INPP5D: variants seen among roughly 807,000 people sequenced by gnomAD.
INPP5D encodes the protein inositol polyphosphate-5-phosphatase D.
Under a neutral mutation model 122.9 loss-of-function variants are expected in INPP5D, and 33 were observed. The observed-to-expected ratio is 0.27, with a 90% CI of 0.20 to 0.36. The LOEUF is 0.36. INPP5D is among the 10% of genes least tolerant of loss of function. The pLI, the probability that INPP5D is intolerant of heterozygous loss-of-function variation, is 1.00. For missense variants in INPP5D, 1,053 were observed against 1,412.7 expected (o/e 0.75, Z 4.08); for synonymous variants, 584 against 576.2 (o/e 1.01, Z -0.19).
At chr2:233,079,165 C>T (rs1436035045) in intron 1 of INPP5D, among the ~76,000 whole-genome samples, 170 bp from the exon 2 acceptor site, 2 of 152,132 alleles carry the variant, frequency 1.3e-5, no homozygotes, top group Non-Finnish European at 2.9e-5. Flanking sequence ...CCTCAGCCCA[C>T]GATTGCTGGA....
Position 233,068,355 on chromosome 2 carries a change from G to A in INPP5D, c.134+7743G>A, listed in dbSNP as rs568918674. Among the ~76,000 whole-genome samples the A allele has an allele frequency of 2.0e-5, 3 of 151,386 alleles. No homozygotes were observed. In the South Asian group the frequency reaches 6.3e-4, roughly 32 times the overall value. ...CACACCTGTAATCCCAGTACTTTGG[G>A]AGGCTGAGGCAAGAGGATCATGAGG... is the stretch of plus-strand genomic sequence containing the variant. On this transcript the variant is annotated intron_variant, in intron 1 of 26. Coordinates refer to ENST00000445964, the MANE Select transcript of INPP5D (RefSeq NM_001017915.3).
At chr2:233,120,150 T>A (rs775723640) in intron 2 of INPP5D, among the ~76,000 whole-genome samples, 15 of 152,180 alleles carry the variant, frequency 9.9e-5, no homozygotes, top group Non-Finnish European at 1.9e-4. Context: ...ATCCTTGACT[T>A]CTAACTCCAA....
At chr2:233,109,773 A>G (rs140042430) in intron 2 of INPP5D, among the ~76,000 whole-genome samples, 2,525 of 148,008 alleles carry the variant, frequency 0.017, 59 homozygotes, top group African/African-American at 0.056. Context: ...TCTTTAGTAG[A>G]GATGGGGTTT....
intron 2 of INPP5D, among the ~76,000 whole-genome samples, chr2:233,102,869 C>CAAAAA (rs1041744645): frequency 8.2e-5 from 12 of 145,896 alleles, no homozygotes; most frequent in South Asian, 2.2e-4. Context: ...AAAAAACAAC[C>CAAAAA]AAAAAACCAC....
intron 14 of INPP5D, 176 bp from the exon 15 acceptor site, chr2:233,169,850 G>A: frequency 8.2e-7 from 1 of 1,225,418 alleles, no homozygotes; most frequent in Non-Finnish European, 1.1e-6. Flanking sequence ...TTGCATCCTG[G>A]CTGTGCCATA....
At chr2:233,137,227 T>TAAG (rs139220374) in intron 5 of INPP5D, among the ~76,000 whole-genome samples, 2 of 151,490 alleles carry the variant, frequency 1.3e-5, no homozygotes, top group Non-Finnish European at 1.5e-5. Context: ...AGGCTTTATC[T>TAAG]AGGTCACTCC....
In INPP5D at chr2:233,170,484, T is replaced by G; in HGVS notation, c.1792-12T>G. The G allele has an allele frequency of 6.2e-7, 1 of 1,613,690 alleles. No homozygotes were observed. Among genetic ancestry groups the G allele is most frequent in the Non-Finnish European group, 8.5e-7 (1 of 1,179,804 alleles). Reference sequence around the variant, plus strand: ...GCTTCTCACCAGAGGCCCGGGCATGTTCTTGTTCCAGGAGGCAGAAACCAT... The same window carrying G: ...GCTTCTCACCAGAGGCCCGGGCATGGTCTTGTTCCAGGAGGCAGAAACCAT... On this transcript the variant is annotated splice_polypyrimidine_tract_variant and intron_variant, in intron 15 of 26. Transcript: ENST00000445964. This position sits in a 1 kb window ranked among gnomAD's most constrained non-coding sequence, Gnocchi z 4.5.
At chr2:233,132,161 G>A (rs1170585848) in intron 5 of INPP5D, among the ~76,000 whole-genome samples, 1 of 152,196 alleles carries the variant, frequency 6.6e-6, no homozygotes, top group Non-Finnish European at 1.5e-5. Flanking sequence ...AACACATACA[G>A]CACTTTCTTT....
intron 4 of INPP5D, among the ~76,000 whole-genome samples, chr2:233,126,510 G>T (rs1693163827): frequency 6.6e-6 from 1 of 152,214 alleles, no homozygotes; most frequent in Non-Finnish European, 1.5e-5. Context: ...TCTCCAGCCT[G>T]AATTCTGTGC....
chr2:233,156,547 A>G lies in INPP5D; in HGVS notation c.1031-1766A>G, dbSNP rs564959267. ...TGAGCTCAGGCAATCTGCCTGCCTC[A>G]GCCTCCCAAAGTGCTAGGATTACAG... On this transcript the variant is annotated intron_variant, in intron 9 of 26. Transcript: ENST00000445964. Among the ~76,000 whole-genome samples the G allele has an allele frequency of 2.1e-4, 32 of 152,214 alleles. No individual in the cohort carries two copies. In the South Asian group the frequency reaches 6.2e-3, roughly 30 times the overall value.
chr2:233,094,258 A>G (rs1207284408), intron 2 of INPP5D, among the ~76,000 whole-genome samples: 3 of 152,054 alleles, frequency 2.0e-5, no homozygotes, highest in African/African-American at 7.3e-5. Flanking sequence ...CATGCTTGTA[A>G]TCCCAGCACT....
At chr2:233,119,055 C>A (rs1692889411) in intron 2 of INPP5D, among the ~76,000 whole-genome samples, 1 of 152,234 alleles carries the variant, frequency 6.6e-6, no homozygotes, top group African/African-American at 2.4e-5. Context: ...GATTTCACAT[C>A]TCTGGAGTCA....
intron 14 of INPP5D, chr2:233,169,784 T>TG: frequency 1.5e-6 from 1 of 645,822 alleles, no homozygotes; most frequent in Non-Finnish European, 2.6e-6. Flanking sequence ...GCTGAGCAGA[T>TG]GCTGCTGCTC....
intron 2 of INPP5D, among the ~76,000 whole-genome samples, chr2:233,083,731 C>T (rs532953194): frequency 6.6e-6 from 1 of 152,334 alleles, no homozygotes; most frequent in Non-Finnish European, 1.5e-5. Flanking sequence ...TGAGGTCCTG[C>T]AAGCCGCCCT....
At chr2:233,150,141 T>A (rs190651285) in intron 9 of INPP5D, among the ~76,000 whole-genome samples, 1 of 152,116 alleles carries the variant, frequency 6.6e-6, no homozygotes, top group Non-Finnish European at 1.5e-5. Flanking sequence ...GTTGATATGA[T>A]TTGGCTGTGT....
At chr2:233,199,351 C>T (rs1695270360) in intron 25 of INPP5D, among the ~76,000 whole-genome samples, 1 of 140,358 alleles carries the variant, frequency 7.1e-6, no homozygotes, top group African/African-American at 2.6e-5. Context: ...TGCACCACTG[C>T]ACCCCAGCCT....
In INPP5D at chr2:233,163,858, C is replaced by T; in HGVS notation, c.1392C>T (p.Ile464=). 6.2e-7 allele frequency: 1 copy of T among 1,613,914 alleles called. No homozygotes were observed. The highest frequency in any genetic ancestry group is 8.5e-7 in the Non-Finnish European group (1 of 1,179,868). The change falls in exon 12 of 27, where the codon ATC becomes ATT. Residue 464 remains isoleucine (I), a synonymous_variant. Coordinates refer to ENST00000445964, the MANE Select transcript of INPP5D (RefSeq NM_001017915.3). ...DPLSEKEWLE[I]LKHSLQEITS... ...TGAGTGAGAAGGAGTGGCTGGAGAT[C>T]CTCAAACACTCCCTGCAAGAAATCA...
Position 233,105,074 on chromosome 2 carries a change from TG to T in INPP5D, c.199-17031del, listed in dbSNP as rs549207797. Among the ~76,000 whole-genome samples the T allele has an allele frequency of 1.3e-5, 2 of 152,304 alleles. No individual in the cohort carries two copies. The highest frequency in any genetic ancestry group is 4.8e-5 in the African/African-American group (2 of 41,564). On this transcript the variant is annotated intron_variant, in intron 2 of 26. Coordinates refer to ENST00000445964, the MANE Select transcript of INPP5D (RefSeq NM_001017915.3). This position sits in a 1 kb window ranked among gnomAD's most constrained non-coding sequence, Gnocchi z 4.0. ...CTGTCTTGGGTAGGGATAGGGAATG[TG>T]GACCTCCCGGGTTTCTCCTGGATTT...
chr2:233,165,303 CTATG>C (rs755153593), intron 13 of INPP5D, among the ~76,000 whole-genome samples: 17 of 151,670 alleles, frequency 1.1e-4, no homozygotes, highest in Non-Finnish European at 1.0e-4. Context: ...CTATGTGAGT[CTATG>C]TATGTGAGTC....
Sources: gnomAD v4.1 joint callset for allele counts (sites outside exome capture counted in the v4.1 genomes callset) on GRCh38, gnomAD v4.1.1 for gene constraint, Gnocchi (gnomAD v3.1) non-coding constraint, MANE v1.5 for transcripts, NCBI Gene and HGNC (gene_info 2026-07-23, HGNC 2026-07-21) for gene names.